Variants in ARSD observed in about 807,000 individuals in gnomAD.
ARSD encodes arylsulfatase D, also known as testis tissue sperm-binding protein Li 39a.
Under a neutral mutation model 32.6 loss-of-function variants are expected in ARSD, and 21 were observed. The ratio of observed to expected loss-of-function variants is 0.64; its 90% confidence interval spans 0.46 to 0.93. The LOEUF is 0.93. Ranked by LOEUF, ARSD falls within the 40% of genes least tolerant of loss-of-function variation. The pLI is 0.00. For missense variants in ARSD, 454 were observed against 520.9 expected, an observed-to-expected ratio of 0.87 and a Z score of 1.25; for synonymous variants, 224 against 237.4, an observed-to-expected ratio of 0.94 and a Z score of 0.52.
intron 1 of ARSD, among the ~76,000 whole-genome samples, chrX:2,928,540 G>T (rs1195755933): frequency 1.0e-5 from 1 of 96,879 alleles, no homozygotes; most frequent in Non-Finnish European, 2.1e-5. Context: ...CCGAAGAGGC[G>T]GGGGGCGGGA....
chrX:2,923,154 A>C (rs1395827882), intron 2 of ARSD: 2 of 198,576 alleles, frequency 1.0e-5, no homozygotes, highest in Non-Finnish European at 1.9e-5. Flanking sequence ...CTGCCATAAC[A>C]AAGTCCTACA....
chrX:2,905,248 C>T lies in ARSD; in HGVS notation c.*2023G>A. On this transcript the variant is annotated 3_prime_UTR_variant, in exon 10 of 10. Coordinates refer to ENST00000381154, the MANE Select transcript of ARSD (RefSeq NM_001669.4). ...ACTGATGTCCTTAGAATCCCATCCT[C>T]ACCTAATACCTGGTATTGAACACTG... 1 of 242,679 alleles carries T rather than the reference C, an allele frequency of 4.1e-6. No individual in the cohort carries two copies. The highest frequency in any genetic ancestry group is 7.7e-6 in the Non-Finnish European group (1 of 129,048). The allele number at this position is 242,679 out of a possible 1,213,427, so 20.0% of individuals were successfully genotyped here.
At chrX:2,908,427 CTATCT>C (rs1309176315) in intron 9 of ARSD, among the ~76,000 whole-genome samples, 1 of 109,330 alleles carries the variant, frequency 9.1e-6, no homozygotes, top group Non-Finnish European at 1.9e-5. Flanking sequence ...CATCCATCAT[CTATCT>C]TATCTATCCA....
intron 6 of ARSD, among the ~76,000 whole-genome samples, chrX:2,912,591 C>T (rs1465172391): frequency 9.0e-6 from 1 of 111,444 alleles, no homozygotes; most frequent in Non-Finnish European, 1.9e-5. Context: ...TTTCGGTCGA[C>T]CCCAAGATAC....
intron 5 of ARSD, among the ~76,000 whole-genome samples, chrX:2,917,203 TAGTG>T (rs960196157): frequency 1.8e-5 from 2 of 109,730 alleles, no homozygotes; most frequent in African/African-American, 6.6e-5. Context: ...CTGGGCAACA[TAGTG>T]AGACCCCATC....
chrX:2,918,860 T>C (rs1306971459), intron 4 of ARSD, among the ~76,000 whole-genome samples: 5 of 112,163 alleles, frequency 4.5e-5, no homozygotes, highest in African/African-American at 6.5e-5. Flanking sequence ...GGCCCTGTAA[T>C]CCCAGCACTC....
chrX:2,917,282 C>T lies in ARSD; in HGVS notation c.863+522G>A, dbSNP rs191361191. On this transcript the variant is annotated intron_variant, in intron 5 of 9. Coordinates refer to ENST00000381154, the MANE Select transcript of ARSD (RefSeq NM_001669.4). ...AATAAAAATGTACAGAATCCAATGG[C>T]GTGTATGTCAATGCTATTCGAGCCA... Among the ~76,000 whole-genome samples the T allele has an allele frequency of 8.4e-3, 917 of 109,111 alleles. 10 individuals are homozygous for T. The highest frequency in any genetic ancestry group is 0.028 in the African/African-American group (850 of 29,900). The allele number at this position is 109,111 out of a possible 115,157, so 94.7% of individuals were successfully genotyped here.
Position 2,920,743 on chromosome X carries a change from G to A in ARSD, c.317-20C>T. On this transcript the variant is annotated intron_variant, in intron 3 of 9. Coordinates refer to ENST00000381154, the MANE Select transcript of ARSD (RefSeq NM_001669.4). Reference sequence around the variant, plus strand: ...CCATGCCTGTGGGGCAGAGAAGACAGGAAGAATTTACTTTCCTTTCTCTAG... The same window carrying A: ...CCATGCCTGTGGGGCAGAGAAGACAAGAAGAATTTACTTTCCTTTCTCTAG... 1 of 1,206,301 alleles carries A rather than the reference G, an allele frequency of 8.3e-7. No individual in the cohort carries two copies. The highest frequency in any genetic ancestry group is 1.1e-6 in the Non-Finnish European group (1 of 892,671).
At chrX:2,928,332 G>A (rs2089107355) in intron 1 of ARSD, among the ~76,000 whole-genome samples, 1 of 97,994 alleles carries the variant, frequency 1.0e-5, no homozygotes, top group African/African-American at 3.8e-5. Context: ...CGGCGGTGCT[G>A]GGGGGAGGGC....
chrX:2,918,705 A>G lies in ARSD; in HGVS notation c.440-478T>C, dbSNP rs183573449. Reference sequence around the variant, plus strand: ...CAGTGAGCCGAGATCATGCCACTGCACTCCAGCCTGGGCGACAGAGCCAGA... The same window carrying G: ...CAGTGAGCCGAGATCATGCCACTGCGCTCCAGCCTGGGCGACAGAGCCAGA... On this transcript the variant is annotated intron_variant, in intron 4 of 9. Transcript: ENST00000381154. Among the ~76,000 whole-genome samples, 367 of 111,241 alleles carry G rather than the reference A, an allele frequency of 3.3e-3. 3 individuals are homozygous for G. Among genetic ancestry groups the G allele is most frequent in the African/African-American group, 0.011 (333 of 30,610 alleles).
chrX:2,910,361 G>T (rs1446404146), intron 7 of ARSD, among the ~76,000 whole-genome samples: 9 of 109,679 alleles, frequency 8.2e-5, no homozygotes, highest in African/African-American at 1.7e-4. Flanking sequence ...TATTAAAATA[G>T]TAATAAATTT....
chrX:2,921,694 G>T (rs1569091370), intron 3 of ARSD, among the ~76,000 whole-genome samples: 1 of 112,494 alleles, frequency 8.9e-6, no homozygotes, highest in Non-Finnish European at 1.9e-5. Flanking sequence ...CACAGACCTT[G>T]GTTTTTCTGT....
chrX:2,921,420 TATCA>T (rs952199480), intron 3 of ARSD, among the ~76,000 whole-genome samples: 9 of 112,313 alleles, frequency 8.0e-5, no homozygotes, highest in Non-Finnish European at 1.5e-4. Flanking sequence ...GCTATCTAGC[TATCA>T]ATCATCTATC....
rs903654629 is a variant in ARSD, at chrX:2,928,962, C to T, written c.44+270G>A. On this transcript the variant is annotated intron_variant, in intron 1 of 9. Transcript: ENST00000381154. Reference sequence around the variant, plus strand: ...TCCCTTCCTCCTTTGTTCTCTTTCCCTGCCCTTCCGCCTTCCCTTCAGTTC... The same window carrying T: ...TCCCTTCCTCCTTTGTTCTCTTTCCTTGCCCTTCCGCCTTCCCTTCAGTTC... Among the ~76,000 whole-genome samples, 105 of 112,431 alleles carry T rather than the reference C, an allele frequency of 9.3e-4. 1 individual carries two copies. Among genetic ancestry groups the T allele is most frequent in the Admixed American group, 1.9e-3 (21 of 10,780 alleles).
intron 4 of ARSD, among the ~76,000 whole-genome samples, chrX:2,918,938 A>C (rs2089003089): frequency 9.3e-6 from 1 of 108,096 alleles, no homozygotes; most frequent in African/African-American, 3.4e-5. Context: ...ACATGCTGAA[A>C]CCCTGGCTCT....
At chrX:2,916,621 G>A (rs1047019429) in intron 5 of ARSD, among the ~76,000 whole-genome samples, 36 of 111,572 alleles carry the variant, frequency 3.2e-4, no homozygotes, top group African/African-American at 1.2e-3. Flanking sequence ...ACTAAAATAA[G>A]CCAGGCACAG....
At chrX:2,922,285 T>G (rs190662546) in intron 2 of ARSD, among the ~76,000 whole-genome samples, 1 of 110,637 alleles carries the variant, frequency 9.0e-6, no homozygotes, top group Non-Finnish European at 1.9e-5. Context: ...ATGACTCATA[T>G]AACGAGGCTT....
rs2088894165 is a variant in ARSD at position 2,910,658 on chromosome X, C to T, written c.1135+1G>A. Reference sequence around the variant, plus strand: ...ATGTGTCCCCGATGTCCACAACTCACCTTTGTAAATTCCGTTCCATCCCCC... The same window carrying T: ...ATGTGTCCCCGATGTCCACAACTCATCTTTGTAAATTCCGTTCCATCCCCC... On this transcript the variant is annotated splice_donor_variant, in intron 7 of 9. Coordinates refer to ENST00000381154, the MANE Select transcript of ARSD (RefSeq NM_001669.4). LOFTEE classifies it high-confidence loss of function. 1 of 1,211,879 alleles carries T rather than the reference C, an allele frequency of 8.3e-7. No individual in the cohort carries two copies. Among genetic ancestry groups the T allele is most frequent in the Non-Finnish European group, 1.1e-6 (1 of 895,504 alleles).
At chrX:2,913,019 G>A (rs2088915432) in intron 6 of ARSD, among the ~76,000 whole-genome samples, 1 of 112,281 alleles carries the variant, frequency 8.9e-6, no homozygotes, top group Non-Finnish European at 1.9e-5. Context: ...GGTTAAGAAT[G>A]ACACAGCCTC....
Sources: allele counts gnomAD v4.1 joint callset (sites outside exome capture counted in the v4.1 genomes callset), GRCh38; gene constraint gnomAD v4.1.1; transcripts MANE v1.5; gene names NCBI Gene and HGNC (gene_info 2026-07-23, HGNC 2026-07-21).